IGSF21: variants seen among roughly 807,000 people sequenced by gnomAD.
IGSF21 encodes the protein immunoglobulin superfamily member 21.
IGSF21 carries 28 observed loss-of-function variants against 46.8 expected under a neutral mutation model. That is an observed-to-expected ratio of 0.60 (90% CI 0.44 to 0.82). The LOEUF is 0.82. IGSF21 is among the 40% of genes least tolerant of loss of function. The pLI, the probability that IGSF21 is intolerant of heterozygous loss-of-function variation, is 0.00. For missense variants in IGSF21, 624 were observed against 665.5 expected (o/e 0.94, Z 0.69); for synonymous variants, 284 against 273.6 (o/e 1.04, Z -0.38).
intron 2 of IGSF21, among the ~76,000 whole-genome samples, chr1:18,262,298 G>A (rs573868558): frequency 7.2e-5 from 11 of 152,298 alleles, no homozygotes; most frequent in Middle Eastern, 3.4e-3. Context: ...TCTGGCGACC[G>A]GATAAAGAAC....
At chr1:18,369,365 G>A (rs1449859013) in intron 6 of IGSF21, among the ~76,000 whole-genome samples, 1 of 152,206 alleles carries the variant, frequency 6.6e-6, no homozygotes, top group Non-Finnish European at 1.5e-5. Flanking sequence ...TAAACCTGCA[G>A]TGAACCTGTG....
At chr1:18,182,597 C>CTGT (rs2124469910) in intron 1 of IGSF21, among the ~76,000 whole-genome samples, 1 of 152,348 alleles carries the variant, frequency 6.6e-6, no homozygotes, top group African/African-American at 2.4e-5. Flanking sequence ...GTGACCAGAG[C>CTGT]TGTCATTAAG....
intron 4 of IGSF21, among the ~76,000 whole-genome samples, chr1:18,348,569 A>C (rs1428894109): frequency 6.6e-6 from 1 of 152,194 alleles, no homozygotes; most frequent in Admixed American, 6.5e-5. Flanking sequence ...TACTAGTGAT[A>C]TGTGGCTGTT....
intron 3 of IGSF21, among the ~76,000 whole-genome samples, chr1:18,305,915 C>T (rs928196137): frequency 1.3e-5 from 2 of 152,180 alleles, no homozygotes; most frequent in African/African-American, 4.8e-5. Context: ...ATCCCAGTAG[C>T]GATGGAGCTA....
intron 6 of IGSF21, among the ~76,000 whole-genome samples, chr1:18,372,148 A>C (rs1297627560): frequency 6.6e-6 from 1 of 152,260 alleles, no homozygotes; most frequent in Non-Finnish European, 1.5e-5. Context: ...CGCCTAGTTC[A>C]CAGAGTACAG....
intron 2 of IGSF21, among the ~76,000 whole-genome samples, chr1:18,232,694 G>A (rs2084639758): frequency 6.6e-6 from 1 of 152,174 alleles, no homozygotes; most frequent in African/African-American, 2.4e-5. Context: ...CCTGGACCAT[G>A]ACTATCTGAA....
chr1:18,196,235 C>T (rs1188560555), intron 1 of IGSF21, among the ~76,000 whole-genome samples: 1 of 152,094 alleles, frequency 6.6e-6, no homozygotes, highest in African/African-American at 2.4e-5. Context: ...AGGATGCCAC[C>T]TTATAATCCC....
chr1:18,256,382 C>T (rs571347953), intron 2 of IGSF21, among the ~76,000 whole-genome samples: 2 of 152,248 alleles, frequency 1.3e-5, no homozygotes, highest in African/African-American at 4.8e-5. Context: ...CTGCTGGAGC[C>T]GCAAGGGCTT....
chr1:18,195,876 G>A (rs2087002015), intron 1 of IGSF21, among the ~76,000 whole-genome samples: 1 of 152,228 alleles, frequency 6.6e-6, no homozygotes, highest in Admixed American at 6.5e-5. Flanking sequence ...GTAGAGCCCA[G>A]AGAGAAGCCT....
intron 6 of IGSF21, among the ~76,000 whole-genome samples, chr1:18,368,527 A>AAAGT (rs58062572): frequency 7.6e-6 from 1 of 131,976 alleles, no homozygotes. Flanking sequence ...AAAAAAAAAA[A>AAAGT]GTTGGGGGGA....
chr1:18,324,420 C>G (rs369678683), intron 3 of IGSF21, among the ~76,000 whole-genome samples: 1 of 152,192 alleles, frequency 6.6e-6, no homozygotes, highest in East Asian at 1.9e-4. Flanking sequence ...ACAAGATGGC[C>G]GGATCGCCAA....
At position 18,376,946 on chromosome 1, in the gene IGSF21, G is replaced by A. The variant is rs1376647263; in HGVS notation, c.1248G>A (p.Gln416=). The A allele has an allele frequency of 6.2e-7, 1 of 1,607,202 alleles. No homozygotes were observed. The highest frequency in any genetic ancestry group is 1.3e-5 in the African/African-American group (1 of 74,898). ...LNGSMYRCTA[Q]NPLGSTDTHT... ...GCTCCATGTATCGCTGCACCGCCCA[G>A]AACCCACTGGGCTCCACCGACACGC... is the stretch of plus-strand genomic sequence containing the variant. The change falls in exon 8 of 10, where the codon CAG becomes CAA. Residue 416 remains glutamine, a synonymous_variant. Coordinates refer to ENST00000251296, the MANE Select transcript of IGSF21 (RefSeq NM_032880.5).
chr1:18,212,583 G>C (rs940664984), intron 1 of IGSF21, among the ~76,000 whole-genome samples: 1 of 152,226 alleles, frequency 6.6e-6, no homozygotes, highest in African/African-American at 2.4e-5. Flanking sequence ...GGGCTAGCCC[G>C]GGGTCTTCTG....
At chr1:18,138,012 A>G (rs1479692339) in intron 1 of IGSF21, among the ~76,000 whole-genome samples, 1 of 152,156 alleles carries the variant, frequency 6.6e-6, no homozygotes, top group African/African-American at 2.4e-5. Context: ...GATAGAAGCC[A>G]GGGCCATCTT....
chr1:18,138,874 T>G (rs1264910590), intron 1 of IGSF21, among the ~76,000 whole-genome samples: 1 of 152,228 alleles, frequency 6.6e-6, no homozygotes, highest in Non-Finnish European at 1.5e-5. Flanking sequence ...GTCCTCTTTT[T>G]ACAGATGAGG....
intron 1 of IGSF21, among the ~76,000 whole-genome samples, chr1:18,218,492 A>G (rs1427755560): frequency 6.6e-6 from 1 of 152,260 alleles, no homozygotes. Flanking sequence ...GCCTCATTTC[A>G]TCTTTCACTA....
intron 1 of IGSF21, among the ~76,000 whole-genome samples, chr1:18,191,354 A>G (rs953645035): frequency 2.6e-5 from 4 of 152,204 alleles, no homozygotes; most frequent in Non-Finnish European, 5.9e-5. Flanking sequence ...TCCTGTGCCC[A>G]TAAGGATGAG....
chr1:18,347,925 G>T (rs2085911973), intron 4 of IGSF21, among the ~76,000 whole-genome samples: 1 of 152,188 alleles, frequency 6.6e-6, no homozygotes, highest in Non-Finnish European at 1.5e-5. Context: ...CACTGAGAGA[G>T]TCCCATCTCC....
At chr1:18,287,885 T>G (rs1205748623) in intron 2 of IGSF21, among the ~76,000 whole-genome samples, 2 of 152,134 alleles carry the variant, frequency 1.3e-5, no homozygotes, top group Non-Finnish European at 2.9e-5. Flanking sequence ...GAATTCCACA[T>G]CCTCTGGCAT....
Sources: gnomAD v4.1 joint callset for allele counts (sites outside exome capture counted in the v4.1 genomes callset) on GRCh38, gnomAD v4.1.1 for gene constraint, MANE v1.5 for transcripts, NCBI Gene and HGNC (gene_info 2026-07-23, HGNC 2026-07-21) for gene names.